The following ZFHX3 variants were observed in gnomAD, a reference collection of about 807,000 sequenced individuals.
ZFHX3 encodes zinc finger homeobox protein 3.
A neutral mutation model predicts 279.1 loss-of-function variants in ZFHX3; 42 were observed. The ratio of observed to expected loss-of-function variants is 0.15; its 90% confidence interval spans 0.12 to 0.19. The LOEUF (loss-of-function observed/expected upper bound fraction) is 0.19. ZFHX3 is among the 10% of genes least tolerant of loss of function. The probability of loss-of-function intolerance (pLI) is 1.00; values close to 1 mark genes in which losing one functional copy is unlikely to be tolerated. For synonymous variants in ZFHX3, 2,293 were observed against 1,957.8 expected, an observed-to-expected ratio of 1.17 and a Z score of -4.52; for missense variants, 4,981 against 4,754.0, an observed-to-expected ratio of 1.05 and a Z score of -1.40.
intron 4 of ZFHX3, among the ~76,000 whole-genome samples, chr16:72,839,029 A>T (rs749928321): frequency 5.9e-5 from 9 of 152,200 alleles, no homozygotes; most frequent in Non-Finnish European, 8.8e-5. Context: ...AAGTAAACGG[A>T]ATTCAGCAGG....
chr16:72,870,660 G>A (rs1390973860), intron 4 of ZFHX3, among the ~76,000 whole-genome samples: 3 of 146,116 alleles, frequency 2.1e-5, no homozygotes, highest in South Asian at 2.2e-4. Context: ...GGAGCTTGCA[G>A]TGAGCCGAGA....
intron 6 of ZFHX3, among the ~76,000 whole-genome samples, chr16:73,137,090 A>G (rs1597174800): frequency 6.6e-6 from 1 of 152,266 alleles, no homozygotes; most frequent in African/African-American, 2.4e-5. Context: ...TTCTAAATAT[A>G]AAATCACTAG....
Position 73,749,083 on chromosome 16 carries a change from C to T in ZFHX3, c.-1607-68843G>A, listed in dbSNP as rs1376776310. On this transcript the variant is annotated intron_variant, in intron 1 of 17. Coordinates refer to the ZFHX3 transcript ENST00000641206. ...GATTACAGGTGTGAGCCACCATGCC[C>T]GGCCCCAAACTCACCTTTCTAAACT... Among the ~76,000 whole-genome samples, 5 of 152,052 alleles carry T rather than the reference C, an allele frequency of 3.3e-5. No homozygotes were observed. In the East Asian group the frequency reaches 5.8e-4, roughly 18 times the overall value.
intron 1 of ZFHX3, among the ~76,000 whole-genome samples, chr16:73,021,774 T>G (rs531505784): frequency 7.2e-6 from 1 of 138,446 alleles, no homozygotes; most frequent in Non-Finnish European, 1.5e-5. Context: ...GAGGTTGCAG[T>G]GAGCCAAGAT....
At position 72,920,943 on chromosome 16, in the gene ZFHX3, A is replaced by G. The variant is rs531197157; in HGVS notation, c.3216+29526T>C. ...AATAATTAGCCAGGCATGGTGGTGT[A>G]TGCCTGTATTCCTAGCCACTTGAGG... On this transcript the variant is annotated intron_variant, in intron 3 of 9. Transcript: ENST00000268489. 3.3e-5 allele frequency among the ~76,000 whole-genome samples: 5 copies of G among 151,948 alleles called. No homozygotes were observed. In the East Asian group the frequency reaches 9.7e-4, roughly 29 times the overall value.
intron 5 of ZFHX3, among the ~76,000 whole-genome samples, chr16:73,206,470 T>C: frequency 6.6e-6 from 1 of 152,146 alleles, no homozygotes; most frequent in East Asian, 1.9e-4. Context: ...TCTCTTTATA[T>C]CCCTAGGGAA....
chr16:72,788,784 G>T lies in ZFHX3; in HGVS notation c.9492C>A (p.Leu3164=). The change falls in exon 10 of 10, where the codon CTC becomes CTA. Residue 3164 remains leucine (L), a synonymous_variant. Coordinates refer to ENST00000268489, the MANE Select transcript of ZFHX3 (RefSeq NM_006885.4). ...GTTTATTTGGTAATCCAGAAGTGGG[G>T]AGGCCAGGGGAAGGAACAGTTGTGC... ...LPSTTVPSPG[L]PTSGLPNKPS... is the part of the protein sequence containing the mutation. 6.5e-7 allele frequency: 1 copy of T among 1,548,774 alleles called. No individual in the cohort carries two copies. The highest frequency in any genetic ancestry group is 1.4e-5 in the African/African-American group (1 of 72,820).
intron 2 of ZFHX3, among the ~76,000 whole-genome samples, chr16:73,456,712 C>T (rs1479240651): frequency 2.0e-5 from 3 of 152,164 alleles, no homozygotes; most frequent in South Asian, 2.1e-4. Context: ...AATAGAGTGC[C>T]GCTCCAAGGC....
Position 72,959,913 on chromosome 16 carries a change from T to C in ZFHX3, c.233A>G (p.Glu78Gly). Residue 78 changes from glutamate (E) to glycine (G), a missense_variant, in exon 2 of 10, where the codon GAG becomes GGG. This residue lies in a region of ZFHX3 where 1,068 missense variants were observed against 935.2 expected (regional missense o/e 1.14). Coordinates refer to ENST00000268489, the MANE Select transcript of ZFHX3 (RefSeq NM_006885.4). ...AGPPSEPASKEVTCNECSASF... is the reference protein window; with the variant it reads ...AGPPSEPASKGVTCNECSASF... ...GGCCGAACATTCGTTGCAGGTGACC[T>C]CCTTGCTGGCGGGCTCGGAGGGGGG... 1.2e-6 allele frequency: 2 copies of C among 1,603,130 alleles called. No individual in the cohort carries two copies. Among genetic ancestry groups the C allele is most frequent in the Non-Finnish European group, 1.7e-6 (2 of 1,173,658 alleles).
At chr16:73,359,712 G>A (rs2016404260) in intron 3 of ZFHX3, among the ~76,000 whole-genome samples, 1 of 152,222 alleles carries the variant, frequency 6.6e-6, no homozygotes, top group African/African-American at 2.4e-5. Context: ...GTGAGTCTGA[G>A]AATAGCTCCC....
At chr16:72,915,007 C>CA (rs1474168154) in intron 3 of ZFHX3, among the ~76,000 whole-genome samples, 1 of 152,002 alleles carries the variant, frequency 6.6e-6, no homozygotes, top group East Asian at 1.9e-4. Context: ...AACAAACAAA[C>CA]AACAACAACA....
intron 2 of ZFHX3, among the ~76,000 whole-genome samples, chr16:73,529,602 C>T (rs1347889294): frequency 6.6e-6 from 1 of 152,134 alleles, no homozygotes; most frequent in South Asian, 2.1e-4. Context: ...GCCAGTGCCC[C>T]TTGTCCAGGG....
chr16:73,373,416 G>C (rs1219679453), intron 3 of ZFHX3, among the ~76,000 whole-genome samples: 1 of 152,132 alleles, frequency 6.6e-6, no homozygotes, highest in African/African-American at 2.4e-5. Context: ...GGACCTTTGT[G>C]GGGCAATATG....
rs1396970563 is a variant in ZFHX3 at position 73,285,815 on chromosome 16, T to C, written c.-1193-28679A>G. On this transcript the variant is annotated intron_variant, in intron 4 of 17. Coordinates refer to the ZFHX3 transcript ENST00000641206. ...GGCAGGTAGAAGGGGTTTTTGGCTG[T>C]TGTTTTTCAAACATATTACACATAT... Among the ~76,000 whole-genome samples the C allele has an allele frequency of 3.3e-5, 5 of 152,206 alleles. No individual in the cohort carries two copies. The East Asian group carries it at 9.6e-4, about 29-fold the overall frequency.
At chr16:73,682,654 G>A (rs2053023008) in intron 1 of ZFHX3, among the ~76,000 whole-genome samples, 2 of 151,730 alleles carry the variant, frequency 1.3e-5, no homozygotes, top group African/African-American at 4.8e-5. Flanking sequence ...GGTCATGGTG[G>A]CATGCACCTG....
chr16:73,045,732 GT>G lies in ZFHX3; in HGVS notation c.-50+2019del, dbSNP rs564804689. On this transcript the variant is annotated intron_variant, in intron 1 of 9. Coordinates refer to ENST00000268489, the MANE Select transcript of ZFHX3 (RefSeq NM_006885.4). ...CAATAGTTCCCTGTTCATCAACACT[GT>G]TTTCAGGAGAAATGGAAAACAGTAG... Among the ~76,000 whole-genome samples, 491 of 136,628 alleles carry G rather than the reference GT, an allele frequency of 3.6e-3. 3 individuals carry two copies. The highest frequency in any genetic ancestry group is 0.013 in the African/African-American group (471 of 37,458). 89.6% of individuals were successfully genotyped at this position (136,628 alleles called of 152,430 possible). A position where few individuals can be genotyped will look rare whatever the true frequency, so the allele number is the denominator to read the frequency against.
Position 72,788,134 on chromosome 16 carries a change from C to A in ZFHX3, c.10142G>T (p.Arg3381Leu). ...TTGCTGCTGCTGCTGCTGTAGTTGC[C>A]GCTGCTGCTGCTGCTGAATTGCCTC... is the stretch of plus-strand genomic sequence containing the variant. ...LQEAIQQQQQRQLQQQQQQKV... is the reference protein window; with the variant it reads ...LQEAIQQQQQLQLQQQQQQKV... The change falls in exon 10 of 10, where the codon CGG becomes CTG. Residue 3381 changes from arginine (R) to leucine (L), a missense_variant. Physicochemically the swap from Arg to Leu is moderately radical, Grantham distance 102. Around this residue, in one of 7 missense-constraint regions of ZFHX3, gnomAD observed 1,034 missense variants for 786.0 expected, o/e 1.32. Coordinates refer to ENST00000268489, the MANE Select transcript of ZFHX3 (RefSeq NM_006885.4). 1.3e-6 allele frequency: 2 copies of A among 1,596,610 alleles called. No individual in the cohort carries two copies. The highest frequency in any genetic ancestry group is 1.7e-6 in the Non-Finnish European group (2 of 1,167,930).
chr16:73,471,554 G>A (rs376026940), intron 2 of ZFHX3, among the ~76,000 whole-genome samples: 7 of 151,946 alleles, frequency 4.6e-5, no homozygotes, highest in African/African-American at 1.5e-4. Flanking sequence ...GATTACAGGC[G>A]TGAGCCACTG....
intron 2 of ZFHX3, among the ~76,000 whole-genome samples, chr16:73,498,246 G>T (rs577619154): frequency 5.3e-5 from 8 of 152,190 alleles, no homozygotes; most frequent in Non-Finnish European, 7.4e-5. Context: ...CAAAATATTT[G>T]CTCCAAATTA....
Sources: gnomAD v4.1 joint callset for allele counts (sites outside exome capture counted in the v4.1 genomes callset) on GRCh38, gnomAD v4.1.1 for gene constraint, gnomAD v4.1.1 regional missense constraint, MANE v1.5 for transcripts, NCBI Gene and HGNC (gene_info 2026-07-23, HGNC 2026-07-21) for gene names.